The following PRKN variants were observed in gnomAD, a reference collection of about 807,000 sequenced individuals.
The protein encoded by PRKN is E3 ubiquitin-protein ligase parkin.
In PRKN, 56 loss-of-function variants were observed where a neutral mutation model predicts 59.5. The observed-to-expected ratio is 0.94, with a 90% CI of 0.76 to 1.18. The LOEUF is 1.18. PRKN is among the 50% of genes most tolerant of loss of function. PRKN has a pLI of 0.00. For missense variants in PRKN, 657 were observed against 596.4 expected, an observed-to-expected ratio of 1.10 and a Z score of -1.06; for synonymous variants, 250 against 222.1, an observed-to-expected ratio of 1.13 and a Z score of -1.12.
At chr6:162,219,198 A>G (rs1486345746) in intron 3 of PRKN, among the ~76,000 whole-genome samples, 1 of 152,096 alleles carries the variant, frequency 6.6e-6, no homozygotes, top group African/African-American at 2.4e-5. Flanking sequence ...CCAAATAAAT[A>G]ACTAAATAAA....
intron 7 of PRKN, among the ~76,000 whole-genome samples, chr6:161,624,326 G>A (rs1264681158): frequency 6.6e-6 from 1 of 152,224 alleles, no homozygotes; most frequent in African/African-American, 2.4e-5. Flanking sequence ...GAAGACAGAA[G>A]AGTTGAGATG....
chr6:162,098,445 G>A (rs1387995810), intron 4 of PRKN, among the ~76,000 whole-genome samples: 2 of 152,132 alleles, frequency 1.3e-5, no homozygotes, highest in Non-Finnish European at 2.9e-5. Flanking sequence ...CGCATCCGTT[G>A]GGATGCATCA....
chr6:161,730,385 A>T (rs1199894604), intron 7 of PRKN, among the ~76,000 whole-genome samples: 799 of 81,946 alleles, frequency 9.8e-3, no homozygotes, highest in Middle Eastern at 0.025. Context: ...GCATTCTTTC[A>T]GATATGTTGC....
intron 1 of PRKN, among the ~76,000 whole-genome samples, chr6:162,665,156 C>T (rs745995784): frequency 6.6e-6 from 1 of 152,048 alleles, no homozygotes; most frequent in Non-Finnish European, 1.5e-5. Flanking sequence ...CACTCCTATT[C>T]AACATAGTAT....
At chr6:162,166,449 C>G (rs916401818) in intron 4 of PRKN, among the ~76,000 whole-genome samples, 4 of 152,088 alleles carry the variant, frequency 2.6e-5, no homozygotes, top group African/African-American at 9.7e-5. Context: ...TGCTCTGCAG[C>G]CTGACAGGGG....
intron 1 of PRKN, among the ~76,000 whole-genome samples, chr6:162,494,808 G>T (rs1455153005): frequency 2.0e-5 from 3 of 152,164 alleles, no homozygotes; most frequent in African/African-American, 7.2e-5. Flanking sequence ...GTAGAATCAA[G>T]CGAAGTAGGC....
In PRKN at chr6:161,637,712, TAAAA is replaced by T. The variant is rs10602359; in HGVS notation, c.872-68300_872-68297del. On this transcript the variant is annotated intron_variant, in intron 7 of 11. Transcript: ENST00000366898. ...AATAGACTCATTTGCCTTTTATCCT[TAAAA>T]AAAAAAAAAAAAACTTACAGGTTGG... Among the ~76,000 whole-genome samples, 822 of 147,862 alleles carry T rather than the reference TAAAA, an allele frequency of 5.6e-3. 8 individuals are homozygous for T. Among genetic ancestry groups the T allele is most frequent in the South Asian group, 0.016 (75 of 4,634 alleles).
At chr6:162,562,689 A>T (rs1779892138) in intron 1 of PRKN, among the ~76,000 whole-genome samples, 4 of 152,130 alleles carry the variant, frequency 2.6e-5, no homozygotes, top group Non-Finnish European at 5.9e-5. Flanking sequence ...TACCAGGTTG[A>T]TGTCTAAGAC....
chr6:162,302,790 T>G lies in PRKN; in HGVS notation c.172-40025A>C, dbSNP rs1300247831. Among the ~76,000 whole-genome samples the G allele has an allele frequency of 2.0e-5, 3 of 152,198 alleles. No homozygotes were observed. In the East Asian group the frequency reaches 5.8e-4, roughly 29 times the overall value. On this transcript the variant is annotated intron_variant, in intron 2 of 11. Transcript: ENST00000366898. ...TTAAGACTCTAGATATGTGGTAAGT[T>G]GTTACACAGCCATAGAAAGCTAACA...
At chr6:161,367,842 A>G (rs1395740167) in intron 10 of PRKN, among the ~76,000 whole-genome samples, 1 of 152,210 alleles carries the variant, frequency 6.6e-6, no homozygotes, top group Non-Finnish European at 1.5e-5. Flanking sequence ...CCCACATCAC[A>G]GAATGTAGTA....
intron 6 of PRKN, among the ~76,000 whole-genome samples, chr6:161,861,422 T>A (rs1793891170): frequency 1.3e-5 from 2 of 151,998 alleles, no homozygotes; most frequent in Non-Finnish European, 2.9e-5. Flanking sequence ...CCAGGGCCTG[T>A]TGGGCAATGG....
chr6:162,562,131 C>CTT (rs1373709421), intron 1 of PRKN, among the ~76,000 whole-genome samples: 1 of 152,072 alleles, frequency 6.6e-6, no homozygotes, highest in Admixed American at 6.5e-5. Flanking sequence ...GGGCAACAGA[C>CTT]TGAATTGTGA....
chr6:162,036,457 G>A (rs1783853445), intron 5 of PRKN, among the ~76,000 whole-genome samples: 1 of 151,728 alleles, frequency 6.6e-6, no homozygotes, highest in Admixed American at 6.6e-5. Flanking sequence ...TCGGCTCACT[G>A]CAACCTCTGC....
At chr6:162,388,078 C>A (rs1042103904) in intron 2 of PRKN, among the ~76,000 whole-genome samples, 2 of 152,130 alleles carry the variant, frequency 1.3e-5, no homozygotes, top group Non-Finnish European at 1.5e-5. Context: ...TTGTCAGTGA[C>A]TGGGGTGTTA....
At chr6:162,064,458 G>A (rs187919989) in intron 4 of PRKN, among the ~76,000 whole-genome samples, 5 of 152,218 alleles carry the variant, frequency 3.3e-5, no homozygotes, top group African/African-American at 1.2e-4. Flanking sequence ...TTTCCTCTTA[G>A]CTTTTGGAAA....
At chr6:162,514,325 C>T (rs1017526741) in intron 1 of PRKN, among the ~76,000 whole-genome samples, 12 of 151,450 alleles carry the variant, frequency 7.9e-5, no homozygotes, top group African/African-American at 2.9e-4. Flanking sequence ...AAGCTTAATG[C>T]TACCAATTTA....
intron 4 of PRKN, among the ~76,000 whole-genome samples, chr6:162,144,684 C>T (rs1028641878): frequency 2.0e-5 from 3 of 152,134 alleles, no homozygotes; most frequent in African/African-American, 7.2e-5. Flanking sequence ...ATTTCAGGAA[C>T]TTTTGGTAGT....
Position 162,201,318 on chromosome 6 carries a change from T to A in PRKN, c.413-66A>T. ...ATCTAAATTGAGACAAGAAACTCTT[T>A]AAAAGCTTGTTAGAGGCAAATTTTA... On this transcript the variant is annotated intron_variant, in intron 3 of 11. Transcript: ENST00000366898. 2.6e-6 allele frequency: 4 copies of A among 1,560,450 alleles called. No homozygotes were observed. In the South Asian group the frequency reaches 4.4e-5, roughly 17 times the overall value.
intron 3 of PRKN, among the ~76,000 whole-genome samples, chr6:162,240,370 G>A (rs1273142966): frequency 6.6e-6 from 1 of 151,932 alleles, no homozygotes; most frequent in Non-Finnish European, 1.5e-5. Flanking sequence ...TCCTTCCCAC[G>A]CATGCCCTAT....
Sources: gnomAD v4.1 joint callset for allele counts (sites outside exome capture counted in the v4.1 genomes callset) on GRCh38, gnomAD v4.1.1 for gene constraint, MANE v1.5 for transcripts, NCBI Gene and HGNC (gene_info 2026-07-23, HGNC 2026-07-21) for gene names.